Variants in FGGY observed in about 807,000 individuals in gnomAD.
FGGY encodes FGGY carbohydrate kinase domain containing.
A neutral mutation model predicts 71.3 loss-of-function variants in FGGY; 72 were observed. That is an observed-to-expected ratio of 1.01 (90% confidence interval 0.84 to 1.23). The LOEUF (loss-of-function observed/expected upper bound fraction) is 1.23, where lower values mean the gene tolerates loss of function less well. Among genes scored for constraint, FGGY ranks in the 50% most tolerant of loss-of-function variants. The pLI, the probability that FGGY is intolerant of heterozygous loss-of-function variation, is 0.00. For missense variants in FGGY, 668 were observed against 682.3 expected, an observed-to-expected ratio of 0.98 and a Z score of 0.23; for synonymous variants, 251 against 250.3, an observed-to-expected ratio of 1.00 and a Z score of -0.02.
At chr1:59,540,370 A>G (rs76448458) in intron 7 of FGGY, among the ~76,000 whole-genome samples, 10,170 of 152,288 alleles carry the variant, frequency 0.067, 713 homozygotes, top group African/African-American at 0.18. Context: ...AATGTTTGGT[A>G]TATTCGTGGA....
intron 14 of FGGY, among the ~76,000 whole-genome samples, chr1:59,690,118 A>C (rs1043727513): frequency 6.6e-6 from 1 of 152,190 alleles, no homozygotes; most frequent in African/African-American, 2.4e-5. Flanking sequence ...AAAATCCTAA[A>C]ATGGAAATTG....
rs551071305 is a variant in FGGY, at chr1:59,458,169, T to A, written c.670+1093T>A. Among the ~76,000 whole-genome samples the A allele has an allele frequency of 4.2e-4, 64 of 152,356 alleles. 1 individual carries two copies. The highest frequency in any genetic ancestry group is 1.5e-3 in the African/African-American group (63 of 41,592). ...GTTTAAGTGATTTGTAAAATGTATA[T>A]GCCCTCCAAAAAATTAGTTGTTTTT... On this transcript the variant is annotated intron_variant, in intron 6 of 15. Coordinates refer to ENST00000303721, the MANE Select transcript of FGGY (RefSeq NM_018291.5).
chr1:59,362,810 A>G (rs58768949), intron 4 of FGGY, among the ~76,000 whole-genome samples: 3,136 of 152,328 alleles, frequency 0.021, 52 homozygotes, highest in East Asian at 0.051. Flanking sequence ...TTTCATATGC[A>G]TAGATTCTTT....
chr1:59,647,326 A>C (rs1166081914), intron 11 of FGGY, among the ~76,000 whole-genome samples: 10 of 152,232 alleles, frequency 6.6e-5, no homozygotes, highest in Non-Finnish European at 1.0e-4. Context: ...AAGGCAAACA[A>C]GGTGTGAAGG....
At chr1:59,703,961 G>A (rs2097731653) in intron 14 of FGGY, among the ~76,000 whole-genome samples, 1 of 152,118 alleles carries the variant, frequency 6.6e-6, no homozygotes, top group African/African-American at 2.4e-5. Flanking sequence ...TGTTATTCTT[G>A]TTGTAGTTGT....
chr1:59,342,013 G>A (rs1437659788), intron 3 of FGGY, among the ~76,000 whole-genome samples: 1 of 152,128 alleles, frequency 6.6e-6, no homozygotes, highest in African/African-American at 2.4e-5. Context: ...GTTCCATAAA[G>A]CACAAGAGCC....
intron 6 of FGGY, among the ~76,000 whole-genome samples, chr1:59,487,156 G>A (rs1228093351): frequency 3.3e-5 from 5 of 152,108 alleles, no homozygotes; most frequent in South Asian, 4.1e-4. Context: ...AATAGAAACC[G>A]AAGCCAACCC....
At chr1:59,411,485 G>A (rs1036964002) in intron 5 of FGGY, among the ~76,000 whole-genome samples, 2 of 152,178 alleles carry the variant, frequency 1.3e-5, no homozygotes, top group African/African-American at 2.4e-5. Context: ...TTGAGATTAT[G>A]TATAATATCA....
chr1:59,454,249 T>A, intron 5 of FGGY, among the ~76,000 whole-genome samples: 1 of 152,156 alleles, frequency 6.6e-6, no homozygotes, highest in East Asian at 1.9e-4. Context: ...GATTGGATCA[T>A]TGGAAACAAT....
intron 9 of FGGY, among the ~76,000 whole-genome samples, chr1:59,611,404 G>A (rs2096676463): frequency 6.6e-6 from 1 of 152,126 alleles, no homozygotes; most frequent in African/African-American, 2.4e-5. Flanking sequence ...AGAGTGAAAC[G>A]CCAGCAATCT....
intron 1 of FGGY, among the ~76,000 whole-genome samples, chr1:59,312,588 G>T (rs1296369952): frequency 1.3e-5 from 2 of 152,178 alleles, no homozygotes; most frequent in Non-Finnish European, 2.9e-5. Flanking sequence ...AAGATGGTAT[G>T]GGAGATCTGA....
chr1:59,464,926 C>T (rs1033810504), intron 6 of FGGY, among the ~76,000 whole-genome samples: 13 of 152,048 alleles, frequency 8.5e-5, no homozygotes, highest in South Asian at 4.2e-4. Context: ...GATTCACAGC[C>T]GACTTCTACA....
intron 6 of FGGY, among the ~76,000 whole-genome samples, chr1:59,499,126 A>G (rs2094138364): frequency 6.6e-6 from 1 of 151,948 alleles, no homozygotes; most frequent in Admixed American, 6.6e-5. Context: ...AATCTGGATG[A>G]TCCTCTGGTG....
intron 14 of FGGY, among the ~76,000 whole-genome samples, chr1:59,684,033 T>C (rs939947550): frequency 6.6e-6 from 1 of 152,132 alleles, no homozygotes; most frequent in African/African-American, 2.4e-5. Flanking sequence ...AAGTCATGTG[T>C]AGGGGCCTCG....
intron 5 of FGGY, among the ~76,000 whole-genome samples, chr1:59,435,628 T>C (rs1471336540): frequency 6.6e-6 from 1 of 152,140 alleles, no homozygotes; most frequent in Non-Finnish European, 1.5e-5. Flanking sequence ...TCCTCAGGCC[T>C]CAGATCAATG....
intron 1 of FGGY, among the ~76,000 whole-genome samples, chr1:59,317,936 C>G (rs1235298234): frequency 6.6e-6 from 1 of 152,152 alleles, no homozygotes; most frequent in Non-Finnish European, 1.5e-5. Flanking sequence ...AAGGGTCAGT[C>G]TCTGAAGATG....
At chr1:59,458,248 T>G (rs1380537839) in intron 6 of FGGY, among the ~76,000 whole-genome samples, 1 of 152,200 alleles carries the variant, frequency 6.6e-6, no homozygotes, top group East Asian at 1.9e-4. Context: ...GTGTATATAT[T>G]GATTACCTGT....
chr1:59,356,721 A>G (rs1013358992), intron 4 of FGGY, among the ~76,000 whole-genome samples: 6 of 152,202 alleles, frequency 3.9e-5, no homozygotes, highest in Non-Finnish European at 7.3e-5. Context: ...TGTATGCCCA[A>G]CATAAGTTAA....
chr1:59,715,066 C>T (rs2097834318), intron 14 of FGGY, among the ~76,000 whole-genome samples: 2 of 152,180 alleles, frequency 1.3e-5, no homozygotes, highest in Admixed American at 1.3e-4. Context: ...TCGTTGCCTT[C>T]TCACATAACA....
Sources: allele counts gnomAD v4.1 joint callset (sites outside exome capture counted in the v4.1 genomes callset), GRCh38; gene constraint gnomAD v4.1.1; transcripts MANE v1.5; gene names NCBI Gene and HGNC (gene_info 2026-07-23, HGNC 2026-07-21).